Variants in DLGAP2 observed in about 807,000 individuals in gnomAD.
DLGAP2 encodes the protein disks large-associated protein 2.
In DLGAP2, 26 loss-of-function variants were observed where a neutral mutation model predicts 100.3. The observed-to-expected ratio is 0.26, with a 90% confidence interval of 0.19 to 0.36. DLGAP2 has a LOEUF of 0.36. Ranked by LOEUF, DLGAP2 falls within the 10% of genes least tolerant of loss-of-function variation. The probability of loss-of-function intolerance (pLI) is 1.00; values close to 1 mark genes in which losing one functional copy is unlikely to be tolerated. For missense variants in DLGAP2, 1,858 were observed against 1,453.2 expected (o/e 1.28, Z -4.53); for synonymous variants, 886 against 630.1 (o/e 1.41, Z -6.08).
intron 2 of DLGAP2, among the ~76,000 whole-genome samples, chr8:1,056,213 G>T (rs536723411): frequency 3.2e-4 from 49 of 152,362 alleles, no homozygotes; most frequent in Admixed American, 3.3e-4. Context: ...AACGACCTCA[G>T]TTGAGTGTGT....
chr8:1,186,818 G>C (rs1369577126), intron 2 of DLGAP2, among the ~76,000 whole-genome samples: 1 of 152,104 alleles, frequency 6.6e-6, no homozygotes, highest in Non-Finnish European at 1.5e-5. Flanking sequence ...TGCCTGGCTT[G>C]GCTTTGCCTT....
chr8:1,186,856 A>G (rs561019884), intron 2 of DLGAP2, among the ~76,000 whole-genome samples: 3 of 151,716 alleles, frequency 2.0e-5, no homozygotes, highest in African/African-American at 7.3e-5. Flanking sequence ...CTTCTCACTC[A>G]CCTTCACATG....
At chr8:760,641 T>G (rs551490450) in intron 1 of DLGAP2, among the ~76,000 whole-genome samples, 46 of 152,228 alleles carry the variant, frequency 3.0e-4, no homozygotes, top group Non-Finnish European at 6.5e-4. Context: ...TTGCTGAAAC[T>G]GACTCCTGCT....
intron 2 of DLGAP2, among the ~76,000 whole-genome samples, chr8:927,353 A>G (rs1444174590): frequency 2.0e-5 from 3 of 152,134 alleles, no homozygotes; most frequent in Non-Finnish European, 4.4e-5. Context: ...CCGTGACTGT[A>G]GCACTTTGTG....
At chr8:1,286,546 G>A (rs1204664501) in intron 3 of DLGAP2, among the ~76,000 whole-genome samples, 1 of 152,152 alleles carries the variant, frequency 6.6e-6, no homozygotes, top group East Asian at 1.9e-4. Flanking sequence ...CTGTGTCTGG[G>A]ATGCGGAGGT....
chr8:1,072,546 G>A (rs2129037605), intron 2 of DLGAP2, among the ~76,000 whole-genome samples: 1 of 152,296 alleles, frequency 6.6e-6, no homozygotes. Context: ...GGTAGTGCAG[G>A]CACCTGGCAG....
chr8:1,313,546 C>G (rs1055981671), intron 3 of DLGAP2, among the ~76,000 whole-genome samples: 4 of 152,080 alleles, frequency 2.6e-5, no homozygotes, highest in Non-Finnish European at 5.9e-5. Flanking sequence ...AGTAGTGAGG[C>G]TGGGTTCCTC....
intron 2 of DLGAP2, among the ~76,000 whole-genome samples, chr8:1,062,468 A>C (rs903081966): frequency 1.3e-5 from 2 of 152,074 alleles, no homozygotes; most frequent in Non-Finnish European, 2.9e-5. Flanking sequence ...CTGCAGACGG[A>C]GTGGCAGGAG....
intron 4 of DLGAP2, among the ~76,000 whole-genome samples, chr8:1,533,280 T>C (rs560921763): frequency 1.6e-4 from 25 of 152,042 alleles, no homozygotes; most frequent in African/African-American, 5.8e-4. Context: ...GGGCAGATCA[T>C]GAGGTCAGGA....
chr8:1,192,663 C>CT (rs200041273), intron 2 of DLGAP2, among the ~76,000 whole-genome samples: 39,839 of 138,056 alleles, frequency 0.29, 6,077 homozygotes, highest in African/African-American at 0.43. Context: ...TATCTGGTTT[C>CT]TTTTTTTTTT....
chr8:889,916 G>A (rs1056867868), intron 1 of DLGAP2, among the ~76,000 whole-genome samples: 2 of 152,188 alleles, frequency 1.3e-5, no homozygotes, highest in Non-Finnish European at 2.9e-5. Flanking sequence ...CTTCTGATCC[G>A]TGGGTTGCAC....
chr8:1,237,569 C>A (rs1371155354), intron 2 of DLGAP2, among the ~76,000 whole-genome samples: 2 of 144,542 alleles, frequency 1.4e-5, no homozygotes, highest in Admixed American at 6.8e-5. Context: ...GTCTAGTTCT[C>A]TCACATGGCA....
intron 3 of DLGAP2, chr8:1,302,580 C>T (rs1208626273): frequency 1.3e-5 from 2 of 152,428 alleles, no homozygotes; most frequent in East Asian, 1.9e-4. Flanking sequence ...AGCTCTGCTC[C>T]ATACCTGGGA....
chr8:1,514,881 G>A (rs1000231070), intron 4 of DLGAP2, among the ~76,000 whole-genome samples: 4 of 152,186 alleles, frequency 2.6e-5, no homozygotes, highest in Non-Finnish European at 4.4e-5. Flanking sequence ...GCAGGACCCC[G>A]GGGAGATGAA....
chr8:1,440,238 G>A (rs1471598627), intron 3 of DLGAP2, among the ~76,000 whole-genome samples: 1 of 152,144 alleles, frequency 6.6e-6, no homozygotes, highest in African/African-American at 2.4e-5. Context: ...TATAAATCGG[G>A]TATCTATTTT....
chr8:763,505 C>A (rs1272750379), intron 1 of DLGAP2, among the ~76,000 whole-genome samples: 1 of 152,206 alleles, frequency 6.6e-6, no homozygotes, highest in Non-Finnish European at 1.5e-5. Context: ...CCATAATTCG[C>A]ACTTCTAAGA....
chr8:812,788 G>C (rs1210664466), intron 1 of DLGAP2, among the ~76,000 whole-genome samples: 5 of 152,152 alleles, frequency 3.3e-5, no homozygotes, highest in African/African-American at 1.2e-4. Context: ...TGAGAAATGA[G>C]ATCAAAATTA....
At chr8:1,062,852 G>C (rs1477671125) in intron 2 of DLGAP2, among the ~76,000 whole-genome samples, 2 of 152,166 alleles carry the variant, frequency 1.3e-5, no homozygotes, top group East Asian at 3.9e-4. Flanking sequence ...AAGGAGGCAA[G>C]TTCAGTCTTC....
intron 1 of DLGAP2, among the ~76,000 whole-genome samples, chr8:822,460 G>T (rs1383627966): frequency 6.6e-6 from 1 of 152,220 alleles, no homozygotes; most frequent in Non-Finnish European, 1.5e-5. Flanking sequence ...ACAGAGCTGT[G>T]TTTAAAAACT....
Sources: gnomAD v4.1 joint callset for allele counts (sites outside exome capture counted in the v4.1 genomes callset) on GRCh38, gnomAD v4.1.1 for gene constraint, MANE v1.5 for transcripts, NCBI Gene and HGNC (gene_info 2026-07-23, HGNC 2026-07-21) for gene names.